Variants in TTLL6 observed in about 807,000 individuals in gnomAD.
TTLL6 encodes tubulin polyglutamylase TTLL6.
TTLL6 carries 75 observed loss-of-function variants against 96.4 expected under a neutral mutation model. The ratio of observed to expected loss-of-function variants is 0.78; its 90% confidence interval spans 0.65 to 0.94. The LOEUF is 0.94. Among genes scored for constraint, TTLL6 ranks in the 40% least tolerant of loss-of-function variants. TTLL6 has a pLI of 0.00. For synonymous variants in TTLL6, 411 were observed against 419.4 expected, an observed-to-expected ratio of 0.98 and a Z score of 0.24; for missense variants, 1,030 against 1,093.0, an observed-to-expected ratio of 0.94 and a Z score of 0.81.
intron 2 of TTLL6, chr17:48,804,320 T>A (rs2039471299): frequency 6.2e-6 from 3 of 486,828 alleles, no homozygotes; most frequent in Non-Finnish European, 8.1e-6. Flanking sequence ...AATAAGAAAG[T>A]GGACAAGCTT....
intron 11 of TTLL6, 31 bp from the exon 12 acceptor site, chr17:48,786,366 G>A (rs201033217): frequency 6.2e-7 from 1 of 1,613,738 alleles, no homozygotes; most frequent in Middle Eastern, 1.7e-4. Flanking sequence ...AACATCATGG[G>A]GGTTAGAAAT....
chr17:48,793,805 T>C (rs1368795868), intron 8 of TTLL6, among the ~76,000 whole-genome samples: 3 of 152,106 alleles, frequency 2.0e-5, no homozygotes, highest in African/African-American at 7.2e-5. Flanking sequence ...GCTGACTTCA[T>C]AGTGTTGTTG....
At chr17:48,795,807 G>T (rs2039306537) in intron 8 of TTLL6, among the ~76,000 whole-genome samples, 1 of 152,186 alleles carries the variant, frequency 6.6e-6, no homozygotes, top group African/African-American at 2.4e-5. Flanking sequence ...TATTCTGCTG[G>T]GGAAACAGCT....
At chr17:48,775,355 A>T (rs2038848943) in intron 13 of TTLL6, among the ~76,000 whole-genome samples, 1 of 151,920 alleles carries the variant, frequency 6.6e-6, no homozygotes, top group Non-Finnish European at 1.5e-5. Context: ...GCAATGTATT[A>T]AAAAATATAC....
rs1335161278 is a variant in TTLL6, at chr17:48,762,727, T to C, written c.*247A>G. ...CTGGTACGGCAACTGGAGTGTGTCC[T>C]GGGGCAGCACCAATCCAACCCCAGA... On this transcript the variant is annotated 3_prime_UTR_variant, in exon 16 of 16. Transcript: ENST00000393382. The C allele has an allele frequency of 6.5e-6, 2 of 308,742 alleles. No individual in the cohort carries two copies. Among genetic ancestry groups the C allele is most frequent in the Non-Finnish European group, 1.3e-5 (2 of 158,082 alleles). 19.1% of individuals were successfully genotyped at this position (308,742 alleles called of 1,614,324 possible).
Position 48,769,938 on chromosome 17 carries a change from G to T in TTLL6, c.2200C>A (p.His734Asn). 1 of 1,614,194 alleles carries T rather than the reference G, an allele frequency of 6.2e-7. No individual in the cohort carries two copies. The highest frequency in any genetic ancestry group is 8.5e-7 in the Non-Finnish European group (1 of 1,180,052). ...TTTAACATTTTCTTCTGGGTTAAGTGTGGAGGGGTCTGCTGCTTCTTGCAT... is the reference window on the plus strand; with the variant it reads ...TTTAACATTTTCTTCTGGGTTAAGTTTGGAGGGGTCTGCTGCTTCTTGCAT... ...FKCKKQQTPP[H>N]LTQKKMLKSF... Residue 734 changes from histidine (H) to asparagine (N), a missense_variant, in exon 14 of 16, where the codon CAC becomes AAC. By Grantham distance (68) the His-to-Asn change is moderately conservative. Coordinates refer to ENST00000393382, the MANE Select transcript of TTLL6 (RefSeq NM_001130918.3).
chr17:48,802,533 C>T (rs554830858), intron 3 of TTLL6, among the ~76,000 whole-genome samples: 12 of 152,238 alleles, frequency 7.9e-5, no homozygotes, highest in African/African-American at 2.2e-4. Context: ...CTGCAGTAAC[C>T]GGGACAGGAC....
In TTLL6 at chr17:48,797,131, A is replaced by G; in HGVS notation, c.842T>C (p.Ile281Thr). 1 of 1,551,658 alleles carries G rather than the reference A, an allele frequency of 6.4e-7. No homozygotes were observed. Among genetic ancestry groups the G allele is most frequent in the African/African-American group, 1.4e-5 (1 of 73,136 alleles). Reference protein sequence around the residue: ...VLVTSCDPLRIFVYNEGLARF... With the variant: ...VLVTSCDPLRTFVYNEGLARF... The stretch of plus-strand genomic sequence containing the variant: ...GGCCAGTCCTTCATTGTACACAAAA[A>G]TCCTGAGAGGGTCACAGGATGTCAC... Residue 281 changes from isoleucine (I) to threonine (T), a missense_variant, in exon 7 of 16, where the codon ATT becomes ACT. By Grantham distance (89) the Ile-to-Thr change is moderately conservative. Transcript: ENST00000393382.
At chr17:48,808,601 T>C (rs968320435) in intron 1 of TTLL6, among the ~76,000 whole-genome samples, 1 of 152,004 alleles carries the variant, frequency 6.6e-6, no homozygotes, top group African/African-American at 2.4e-5. Flanking sequence ...TGGTGTCTCA[T>C]TCTGTCACCC....
intron 13 of TTLL6, among the ~76,000 whole-genome samples, chr17:48,783,047 GAAT>G (rs1412746467): frequency 1.3e-5 from 2 of 152,096 alleles, no homozygotes; most frequent in African/African-American, 4.8e-5. Context: ...AGAACAGACA[GAAT>G]AGCACAGAAT....
At chr17:48,793,040 A>C (rs1048098781) in intron 8 of TTLL6, among the ~76,000 whole-genome samples, 4 of 152,182 alleles carry the variant, frequency 2.6e-5, no homozygotes, top group African/African-American at 9.7e-5. Context: ...AAAGATGAAG[A>C]TGGCTTGGTG....
chr17:48,778,509 A>T (rs1317467286), intron 13 of TTLL6, among the ~76,000 whole-genome samples: 1 of 151,872 alleles, frequency 6.6e-6, no homozygotes, highest in South Asian at 2.1e-4. Context: ...CCTACCCAAA[A>T]AGGAGGCCAG....
intron 6 of TTLL6, among the ~76,000 whole-genome samples, chr17:48,799,194 A>G (rs932607170): frequency 1.3e-5 from 2 of 152,222 alleles, no homozygotes; most frequent in Admixed American, 6.5e-5. Flanking sequence ...CAGAGAGATC[A>G]GTGTGTCCCC....
At chr17:48,795,833 TCCTCCCAG>T in intron 8 of TTLL6, among the ~76,000 whole-genome samples, 1 of 152,176 alleles carries the variant, frequency 6.6e-6, no homozygotes, top group Non-Finnish European at 1.5e-5. Flanking sequence ...TTATCTCTCC[TCCTCCCAG>T]CCTCCCAGGG....
intron 2 of TTLL6, 26 bp downstream of exon 2, chr17:48,804,746 C>T: frequency 6.5e-7 from 1 of 1,544,066 alleles, no homozygotes; most frequent in Non-Finnish European, 8.8e-7. Context: ...AACATGGCTC[C>T]CCATTCCCCA....
At chr17:48,811,243 AT>A in intron 1 of TTLL6, among the ~76,000 whole-genome samples, 1 of 150,980 alleles carries the variant, frequency 6.6e-6, no homozygotes, top group South Asian at 2.1e-4. Flanking sequence ...TAAGTTTTGT[AT>A]TTTTAGTAGA....
chr17:48,795,178 T>C (rs965643652), intron 8 of TTLL6, among the ~76,000 whole-genome samples: 8 of 151,720 alleles, frequency 5.3e-5, no homozygotes, highest in Non-Finnish European at 1.0e-4. Flanking sequence ...ATACAAAACT[T>C]AGCGGAGTGT....
At chr17:48,804,322 G>T (rs769469036) in intron 2 of TTLL6, 3 of 487,258 alleles carry the variant, frequency 6.2e-6, no homozygotes, top group Non-Finnish European at 1.2e-5. Context: ...TAAGAAAGTG[G>T]ACAAGCTTTC....
intron 13 of TTLL6, among the ~76,000 whole-genome samples, chr17:48,779,922 G>A (rs1394632170): frequency 6.6e-6 from 1 of 152,072 alleles, no homozygotes; most frequent in African/African-American, 2.4e-5. Context: ...GGGATGAGGG[G>A]AGGAAGATTG....
Sources: allele counts gnomAD v4.1 joint callset (sites outside exome capture counted in the v4.1 genomes callset), GRCh38; gene constraint gnomAD v4.1.1; transcripts MANE v1.5; gene names NCBI Gene and HGNC (gene_info 2026-07-23, HGNC 2026-07-21).